The following RPN2 variants were observed in gnomAD, a reference collection of about 807,000 sequenced individuals.
The protein encoded by RPN2 is ribophorin II.
In RPN2, 29 loss-of-function variants were observed where a neutral mutation model predicts 71.4. The ratio of observed to expected loss-of-function variants is 0.41; its 90% CI spans 0.30 to 0.55. The LOEUF is 0.55. Among genes scored for constraint, RPN2 ranks in the 20% least tolerant of loss-of-function variants. The pLI is 0.35. For missense variants in RPN2, 726 were observed against 774.1 expected, an observed-to-expected ratio of 0.94 and a Z score of 0.74; for synonymous variants, 308 against 305.0, an observed-to-expected ratio of 1.01 and a Z score of -0.10.
chr20:37,218,669 A>G (rs1261669194), intron 9 of RPN2, among the ~76,000 whole-genome samples: 1 of 151,606 alleles, frequency 6.6e-6, no homozygotes, highest in Non-Finnish European at 1.5e-5. Context: ...GCAATGCTAT[A>G]TCTTTTAGTG....
In RPN2 at chr20:37,231,027, G is replaced by A. The variant is rs544083878; in HGVS notation, c.1581+968G>A. On this transcript the variant is annotated intron_variant, in intron 13 of 16. Transcript: ENST00000237530. ...TGGGCATTGACAAGCAGAAAAGGCA[G>A]GCACAAGTTGATACGTTGGAGGAAA... Among the ~76,000 whole-genome samples, 3 of 151,974 alleles carry A rather than the reference G, an allele frequency of 2.0e-5. No individual in the cohort carries two copies. The South Asian group carries it at 6.3e-4, about 32-fold the overall frequency.
intron 9 of RPN2, among the ~76,000 whole-genome samples, chr20:37,221,850 A>G (rs568316956): frequency 6.6e-6 from 1 of 152,380 alleles, no homozygotes; most frequent in Admixed American, 6.5e-5. Context: ...GGGGCCACCC[A>G]TGGGCAGACT....
At chr20:37,232,147 G>A in intron 13 of RPN2, 149 bp from the exon 14 acceptor site, 1 of 883,146 alleles carries the variant, frequency 1.1e-6, no homozygotes, top group Non-Finnish European at 1.9e-6. Flanking sequence ...GAGGCAAAAG[G>A]CCCCATGCCC....
Position 37,241,319 on chromosome 20 carries a change from C to T in RPN2, c.*4C>T, listed in dbSNP as rs370660340. ...TTCTTTCAGAACAGCACATTAGTTC[C>T]AGAAGAAAGATGGAAATTCTGAAAA... On this transcript the variant is annotated 3_prime_UTR_variant, in exon 17 of 17. Transcript: ENST00000237530. 4 of 1,611,846 alleles carry T rather than the reference C, an allele frequency of 2.5e-6. No homozygotes were observed. In the African/African-American group the frequency reaches 4.0e-5, roughly 16 times the overall value.
chr20:37,207,021 G>A (rs1476178041), intron 6 of RPN2, among the ~76,000 whole-genome samples: 2 of 151,954 alleles, frequency 1.3e-5, no homozygotes, highest in African/African-American at 4.8e-5. Flanking sequence ...TGTATAATAA[G>A]CACTTATTAA....
At chr20:37,179,603 G>T (rs532959933) in intron 1 of RPN2, 10 of 1,126,298 alleles carry the variant, frequency 8.9e-6, no homozygotes, top group African/African-American at 1.6e-5. Context: ...CGGAGCTACG[G>T]GTCGCCCCGA....
rs759671052 is a variant in RPN2 at position 37,184,302 on chromosome 20, A to T, written c.136A>T (p.Thr46Ser). ...RLKASLDRPF[T>S]NLESAFYSIV... ...AAAAGCCTCGCTGGATCGCCCTTTC[A>T]CAAATTTGGAATCTGCCTTCTACTC... is the stretch of plus-strand genomic sequence containing the variant. The change falls in exon 2 of 17, where the codon ACA becomes TCA. Residue 46 changes from threonine (T) to serine (S), a missense_variant. Physicochemically the swap from Thr to Ser is moderately conservative, Grantham distance 58. Coordinates refer to ENST00000237530, the MANE Select transcript of RPN2 (RefSeq NM_002951.5). 1 of 1,613,972 alleles carries T rather than the reference A, an allele frequency of 6.2e-7. No homozygotes were observed. The highest frequency in any genetic ancestry group is 8.5e-7 in the Non-Finnish European group (1 of 1,180,024).
At chr20:37,202,934 A>AT (rs929500458) in intron 4 of RPN2, among the ~76,000 whole-genome samples, 4 of 151,724 alleles carry the variant, frequency 2.6e-5, no homozygotes, top group South Asian at 2.1e-4. Context: ...GGTTTTATCT[A>AT]TTTTTTTTGG....
intron 2 of RPN2, among the ~76,000 whole-genome samples, chr20:37,186,732 C>A (rs1039083461): frequency 5.3e-5 from 8 of 152,228 alleles, no homozygotes; most frequent in African/African-American, 1.9e-4. Flanking sequence ...TCTACACATT[C>A]CATTTTTTGC....
intron 1 of RPN2, among the ~76,000 whole-genome samples, chr20:37,180,969 G>C (rs917339227): frequency 6.6e-6 from 1 of 152,074 alleles, no homozygotes; most frequent in Non-Finnish European, 1.5e-5. Context: ...GGTAGCTCAC[G>C]CCTGTAATCC....
intron 9 of RPN2, among the ~76,000 whole-genome samples, chr20:37,217,581 A>G (rs1358629172): frequency 2.6e-5 from 4 of 152,142 alleles, no homozygotes; most frequent in East Asian, 3.8e-4. Flanking sequence ...GTGAGCCACC[A>G]TGCCCGGCCT....
At chr20:37,194,803 C>A (rs1429194426) in intron 2 of RPN2, among the ~76,000 whole-genome samples, 2 of 152,080 alleles carry the variant, frequency 1.3e-5, no homozygotes, top group African/African-American at 4.8e-5. Flanking sequence ...TGGCGTGGGG[C>A]CCCAGCCAGT....
intron 2 of RPN2, among the ~76,000 whole-genome samples, chr20:37,193,441 G>A (rs964753729): frequency 6.6e-6 from 1 of 152,150 alleles, no homozygotes; most frequent in Admixed American, 6.5e-5. Context: ...GAACAGAGTG[G>A]GAGGGAGGGA....
rs1252652701 is a variant in RPN2, at chr20:37,225,765, T to A, written c.1262T>A (p.Val421Glu). ...AACTTCGCCTTGTTCTTCCAGCTGG[T>A]AGATGTGAACACTGGTGCTGAACTC... is the stretch of plus-strand genomic sequence containing the variant. Reference protein sequence around the residue: ...HQNFALFFQLVDVNTGAELTP... With the variant: ...HQNFALFFQLEDVNTGAELTP... Residue 421 changes from valine (V) to glutamate (E), a missense_variant, in exon 11 of 17, where the codon GTA becomes GAA. By Grantham distance (121) the Val-to-Glu change is moderately radical (BLOSUM62 -2). Coordinates refer to ENST00000237530, the MANE Select transcript of RPN2 (RefSeq NM_002951.5). 1 of 1,614,084 alleles carries A rather than the reference T, an allele frequency of 6.2e-7. No individual in the cohort carries two copies. Among genetic ancestry groups the A allele is most frequent in the South Asian group, 1.1e-5 (1 of 91,080 alleles).
intron 12 of RPN2, 116 bp downstream of exon 12, chr20:37,228,860 T>G: frequency 1.0e-6 from 1 of 958,752 alleles, no homozygotes; most frequent in Non-Finnish European, 1.6e-6. Flanking sequence ...CTCCTATAAA[T>G]AAGCTTGGGA....
intron 7 of RPN2, among the ~76,000 whole-genome samples, chr20:37,207,678 T>C (rs1250890904): frequency 6.6e-6 from 1 of 152,128 alleles, no homozygotes; most frequent in African/African-American, 2.4e-5. Context: ...CTCGTGGATT[T>C]TTAATTTTTG....
chr20:37,225,757 C>T lies in RPN2; in HGVS notation c.1254C>T (p.Phe418=). Residue 418 remains phenylalanine, a synonymous_variant, in exon 11 of 17, where the codon TTC becomes TTT. Transcript: ENST00000237530. ...GCCACCAGAACTTCGCCTTGTTCTT[C>T]CAGCTGGTAGATGTGAACACTGGTG... ...ADSHQNFALF[F]QLVDVNTGAE... 1 of 1,614,146 alleles carries T rather than the reference C, an allele frequency of 6.2e-7. No homozygotes were observed. Among genetic ancestry groups the T allele is most frequent in the Non-Finnish European group, 8.5e-7 (1 of 1,179,990 alleles).
intron 9 of RPN2, among the ~76,000 whole-genome samples, chr20:37,221,477 CGTG>C (rs1210294633): frequency 6.6e-6 from 1 of 152,170 alleles, no homozygotes; most frequent in Non-Finnish European, 1.5e-5. Context: ...GGATTACAGG[CGTG>C]AGCCACCACG....
At chr20:37,209,566 C>G (rs1411375607) in intron 7 of RPN2, among the ~76,000 whole-genome samples, 1 of 152,032 alleles carries the variant, frequency 6.6e-6, no homozygotes, top group Non-Finnish European at 1.5e-5. Flanking sequence ...TGGGCTCAAG[C>G]AGTCCTCCTG....
Sources: allele counts gnomAD v4.1 joint callset (sites outside exome capture counted in the v4.1 genomes callset), GRCh38; gene constraint gnomAD v4.1.1; transcripts MANE v1.5; gene names NCBI Gene and HGNC (gene_info 2026-07-23, HGNC 2026-07-21).